The following TMEM176B variants were observed in gnomAD, a reference collection of about 807,000 sequenced individuals.
TMEM176B encodes the protein LR8-like protein.
In TMEM176B, 28 loss-of-function variants were observed where a neutral mutation model predicts 30.3. That is an observed-to-expected ratio of 0.92 (90% CI 0.68 to 1.27). The LOEUF (loss-of-function observed/expected upper bound fraction) is 1.27. Ranked by LOEUF, TMEM176B falls within the 50% of genes most tolerant of loss-of-function variation. TMEM176B has a pLI of 0.00. For missense variants in TMEM176B, 349 were observed against 327.4 expected (o/e 1.07, Z -0.51); for synonymous variants, 123 against 130.3 (o/e 0.94, Z 0.38).
intron 2 of TMEM176B, among the ~76,000 whole-genome samples, chr7:150,796,134 A>G (rs1798513336): frequency 6.6e-6 from 1 of 151,848 alleles, no homozygotes; most frequent in African/African-American, 2.4e-5. Context: ...GCTCCCCAAA[A>G]CCTATGATCT....
chr7:150,796,346 C>T lies in TMEM176B; in HGVS notation c.204+20G>A, dbSNP rs528581977. The T allele has an allele frequency of 1.2e-6, 2 of 1,612,370 alleles. No homozygotes were observed. Among genetic ancestry groups the T allele is most frequent in the African/African-American group, 1.3e-5 (1 of 74,984 alleles). Reference sequence around the variant, plus strand: ...CACCTCGTTAACGTGCCCCCCAACCCCGCACCACCCCAGTCTTACCCCTAG... The same window carrying T: ...CACCTCGTTAACGTGCCCCCCAACCTCGCACCACCCCAGTCTTACCCCTAG... On this transcript the variant is annotated intron_variant, in intron 2 of 6. Transcript: ENST00000326442.
chr7:150,793,330 G>T lies in TMEM176B; in HGVS notation c.373-15C>A. Reference sequence around the variant, plus strand: ...GATATATAGCCCTGGAAGAGAAAGAGGGTCATGACACACGCTCCTTCAATC... The same window carrying T: ...GATATATAGCCCTGGAAGAGAAAGATGGTCATGACACACGCTCCTTCAATC... On this transcript the variant is annotated splice_polypyrimidine_tract_variant and intron_variant, in intron 4 of 6. Transcript: ENST00000326442. 6.2e-7 allele frequency: 1 copy of T among 1,611,228 alleles called. No individual in the cohort carries two copies. The highest frequency in any genetic ancestry group is 1.1e-5 in the South Asian group (1 of 90,730).
At chr7:150,794,191 C>G in intron 2 of TMEM176B, 120 bp from the exon 3 acceptor site, 2 of 635,674 alleles carry the variant, frequency 3.1e-6, no homozygotes, top group South Asian at 4.0e-5. Flanking sequence ...CTGCCTTGAC[C>G]TCTCTGCAGC....
intron 2 of TMEM176B, 26 bp from the exon 3 acceptor site, chr7:150,794,097 C>A: frequency 6.3e-7 from 1 of 1,592,692 alleles, no homozygotes; most frequent in Non-Finnish European, 8.6e-7. Flanking sequence ...AGAAACCAGA[C>A]CCCTTCCCGT....
At chr7:150,796,809 A>T in intron 1 of TMEM176B, 1 of 477,810 alleles carries the variant, frequency 2.1e-6, no homozygotes, top group South Asian at 2.1e-5. Context: ...AAATACAAAA[A>T]TCCGCACGGT....
Position 150,791,600 on chromosome 7 carries a change from C to G in TMEM176B, c.744G>C (p.Arg248Ser). ...GGGGCACTGAATTCTCCCCCAGTAG[C>G]CTCTTCTCTGATCCTTCCTCATTCT... The part of the protein sequence containing the change: ...QPLNEEGSEK[R>S]LLGENSVPPS... The change falls in exon 7 of 7, where the codon AGG becomes AGC. Residue 248 changes from arginine (R) to serine (S), a missense_variant. By Grantham distance (110) the Arg-to-Ser change is moderately radical (BLOSUM62 -1). Coordinates refer to ENST00000326442, the MANE Select transcript of TMEM176B (RefSeq NM_001101312.2). The G allele has an allele frequency of 1.9e-6, 3 of 1,613,804 alleles. No individual in the cohort carries two copies. Among genetic ancestry groups the G allele is most frequent in the East Asian group, 2.2e-5 (1 of 44,848 alleles).
Position 150,791,422 on chromosome 7 carries a change from G to T in TMEM176B, c.*109C>A. 1 of 782,300 alleles carries T rather than the reference G, an allele frequency of 1.3e-6. No homozygotes were observed. Among genetic ancestry groups the T allele is most frequent in the Admixed American group, 2.5e-5 (1 of 40,322 alleles). 48.5% of individuals were successfully genotyped at this position (782,300 alleles called of 1,614,324 possible). A position where few individuals can be genotyped will look rare whatever the true frequency, so the allele number is the denominator to read the frequency against. The stretch of plus-strand genomic sequence containing the variant: ...TGCGGATGTGGGGAGAAGAAAGGAG[G>T]AGGGTCTGGAGAGCGGCCATAGGGG... On this transcript the variant is annotated 3_prime_UTR_variant, in exon 7 of 7. Coordinates refer to ENST00000326442, the MANE Select transcript of TMEM176B (RefSeq NM_001101312.2).
chr7:150,796,754 T>C, intron 1 of TMEM176B, 180 bp from the exon 2 acceptor site: 1 of 619,216 alleles, frequency 1.6e-6, no homozygotes, highest in Non-Finnish European at 2.8e-6. Flanking sequence ...AGGTCAGGAG[T>C]TCAAGACCAG....
intron 2 of TMEM176B, among the ~76,000 whole-genome samples, chr7:150,794,907 CCACACACACACA>C (rs3220239): frequency 7.8e-4 from 110 of 141,662 alleles, no homozygotes; most frequent in South Asian, 2.8e-3. Flanking sequence ...TCCCCTACTA[CCACACACACACA>C]CACACACACA....
In TMEM176B at chr7:150,793,571, G is replaced by A. The variant is rs932720425; in HGVS notation, c.345C>T (p.Val115=). The A allele has an allele frequency of 8.1e-6, 13 of 1,613,466 alleles. No individual in the cohort carries two copies. The highest frequency in any genetic ancestry group is 1.0e-5 in the Non-Finnish European group (12 of 1,179,828). The change falls in exon 4 of 7, where the codon GTC becomes GTT. Residue 115 remains valine, a synonymous_variant. Transcript: ENST00000326442. The stretch of plus-strand genomic sequence containing the variant: ...CAAGTTTGCCCGGGTGCTTCTCATG[G>A]ACAATGGCCCCAGCTCCTGCTGCGA... ...VVIAAGAGAI[V]HEKHPGKLAG... is the part of the protein sequence containing the mutation.
chr7:150,792,206 G>A (rs1798342703), intron 5 of TMEM176B, 31 bp from the exon 6 acceptor site: 2 of 1,609,720 alleles, frequency 1.2e-6, no homozygotes, highest in African/African-American at 1.3e-5. Context: ...AAGATAGTCA[G>A]GTGTCAGCTA....
intron 1 of TMEM176B, among the ~76,000 whole-genome samples, chr7:150,799,089 C>T (rs370988861): frequency 1.3e-5 from 2 of 152,204 alleles, no homozygotes; most frequent in African/African-American, 4.8e-5. Flanking sequence ...TAAATGCCGA[C>T]CATCTGGAAT....
At position 150,791,395 on chromosome 7, in the gene TMEM176B, G is replaced by A; in HGVS notation, c.*136C>T. 2 of 626,606 alleles carry A rather than the reference G, an allele frequency of 3.2e-6. No homozygotes were observed. Among genetic ancestry groups the A allele is most frequent in the South Asian group, 2.1e-5 (1 of 47,176 alleles). The allele number at this position is 626,606 out of a possible 1,614,324, so 38.8% of individuals were successfully genotyped here. On this transcript the variant is annotated 3_prime_UTR_variant, in exon 7 of 7. Transcript: ENST00000326442. ...TGAGAACCCCAGAGTGGGAACAGCAGGTGCGGATGTGGGGAGAAGAAAGGA... is the reference window on the plus strand; with the variant it reads ...TGAGAACCCCAGAGTGGGAACAGCAAGTGCGGATGTGGGGAGAAGAAAGGA...
At chr7:150,798,611 T>C (rs1466579504) in intron 1 of TMEM176B, among the ~76,000 whole-genome samples, 1 of 151,946 alleles carries the variant, frequency 6.6e-6, no homozygotes, top group African/African-American at 2.4e-5. Flanking sequence ...GGGGTGTTGC[T>C]TTGTTGCCCA....
At chr7:150,798,306 A>T (rs182336737) in intron 1 of TMEM176B, among the ~76,000 whole-genome samples, 7 of 151,924 alleles carry the variant, frequency 4.6e-5, no homozygotes, top group Admixed American at 4.6e-4. Context: ...TCATTTTTTG[A>T]GATGGAGTCT....
chr7:150,794,019 C>T lies in TMEM176B; in HGVS notation c.257G>A (p.Ser86Asn). The T allele has an allele frequency of 6.2e-7, 1 of 1,614,050 alleles. No individual in the cohort carries two copies. Among genetic ancestry groups the T allele is most frequent in the South Asian group, 1.1e-5 (1 of 91,080 alleles). ...VVSCVLGVCL[S>N]LGPWTVLSAS... ...ACTCAGCACAGTCCAGGGCCCCAAG[C>T]TGAGACACACTCCAAGAACACAACT... Residue 86 changes from serine to asparagine, a missense_variant, in exon 3 of 7, where the codon AGC (serine) becomes AAC (asparagine). Ser to Asn is a conservative substitution (Grantham distance 46). Coordinates refer to ENST00000326442, the MANE Select transcript of TMEM176B (RefSeq NM_001101312.2).
chr7:150,794,753 C>A (rs947702087), intron 2 of TMEM176B, among the ~76,000 whole-genome samples: 1 of 152,012 alleles, frequency 6.6e-6, no homozygotes, highest in Non-Finnish European at 1.5e-5. Flanking sequence ...CCTGCTCCCC[C>A]TCTTTTCATT....
At chr7:150,794,807 C>T (rs114369515) in intron 2 of TMEM176B, among the ~76,000 whole-genome samples, 3,131 of 151,878 alleles carry the variant, frequency 0.021, 100 homozygotes, top group African/African-American at 0.071. Flanking sequence ...CACCCAACTC[C>T]GACTCAGAAG....
At chr7:150,800,915 A>C, upstream of TMEM176B, 1 of 985,536 alleles carries the variant, frequency 1.0e-6, no homozygotes, top group Non-Finnish European at 1.2e-6. Flanking sequence ...GGAGCGTAGG[A>C]GGGACCCCCA....
Sources: allele counts gnomAD v4.1 joint callset (sites outside exome capture counted in the v4.1 genomes callset), GRCh38; gene constraint gnomAD v4.1.1; transcripts MANE v1.5; gene names NCBI Gene and HGNC (gene_info 2026-07-23, HGNC 2026-07-21).